TNFRSF10B: variants seen among roughly 807,000 people sequenced by gnomAD.
The protein encoded by TNFRSF10B is TNF receptor superfamily member 10b, also known as tumor necrosis factor receptor superfamily member 10B.
Under a neutral mutation model 41.4 loss-of-function variants are expected in TNFRSF10B, and 35 were observed. The observed-to-expected ratio is 0.85, with a 90% CI of 0.65 to 1.12. TNFRSF10B has a LOEUF of 1.12. Among genes scored for constraint, TNFRSF10B ranks in the 50% most tolerant of loss-of-function variants. The probability of loss-of-function intolerance (pLI) is 0.00; values close to 1 mark genes in which losing one functional copy is unlikely to be tolerated. For synonymous variants in TNFRSF10B, 230 were observed against 215.5 expected (o/e 1.07, Z -0.59); for missense variants, 584 against 552.7 (o/e 1.06, Z -0.57).
intron 1 of TNFRSF10B, among the ~76,000 whole-genome samples, chr8:23,056,274 C>T (rs1812663826): frequency 6.6e-6 from 1 of 152,178 alleles, no homozygotes; most frequent in Non-Finnish European, 1.5e-5. Flanking sequence ...TACCTTAATG[C>T]CCAACTTTGT....
At position 23,021,679 on chromosome 8, in the gene TNFRSF10B, C is replaced by A. The variant is rs1212960663; in HGVS notation, c.*992G>T. 2.2e-6 allele frequency: 1 copy of A among 453,974 alleles called. No individual in the cohort carries two copies. The highest frequency in any genetic ancestry group is 4.4e-6 in the Non-Finnish European group (1 of 226,810). 28.1% of individuals were successfully genotyped at this position (453,974 alleles called of 1,614,324 possible). A position where few individuals can be genotyped will look rare whatever the true frequency, so the allele number is the denominator to read the frequency against. ...CACGTGGATCCAGTTCTCTTTGGTC[C>A]CGACTCATATGTAAACAACTACCTA... On this transcript the variant is annotated 3_prime_UTR_variant, in exon 9 of 9. Coordinates refer to ENST00000276431, the MANE Select transcript of TNFRSF10B (RefSeq NM_003842.5).
intron 3 of TNFRSF10B, among the ~76,000 whole-genome samples, chr8:23,030,074 G>T (rs913211032): frequency 6.6e-6 from 1 of 151,436 alleles, no homozygotes; most frequent in Non-Finnish European, 1.5e-5. Context: ...CTTCCCCAAG[G>T]CCCAGCCTGC....
intron 1 of TNFRSF10B, chr8:23,049,892 G>C (rs1490571274): frequency 6.6e-6 from 1 of 152,222 alleles, no homozygotes; most frequent in Non-Finnish European, 1.5e-5. Flanking sequence ...GAACAAAAAA[G>C]TCGCCAGCCA....
chr8:23,024,305 T>C (rs1811636134), intron 7 of TNFRSF10B, 45 bp from the exon 8 acceptor site: 2 of 1,608,344 alleles, frequency 1.2e-6, no homozygotes, highest in African/African-American at 1.3e-5. Context: ...CCAGGAGTCC[T>C]ACAGTCCAGT....
chr8:23,058,230 G>T (rs1489640567), intron 1 of TNFRSF10B, among the ~76,000 whole-genome samples: 10 of 152,108 alleles, frequency 6.6e-5, no homozygotes, highest in Admixed American at 6.6e-4. Flanking sequence ...CTGGGTAATA[G>T]ACCAAGACTC....
At chr8:23,037,243 T>C (rs1812053808) in intron 2 of TNFRSF10B, among the ~76,000 whole-genome samples, 1 of 152,098 alleles carries the variant, frequency 6.6e-6, no homozygotes, top group Non-Finnish European at 1.5e-5. Flanking sequence ...GTGGCAGGGA[T>C]GGAGGTTATG....
At chr8:23,051,323 G>A (rs1201856271) in intron 1 of TNFRSF10B, among the ~76,000 whole-genome samples, 3 of 152,248 alleles carry the variant, frequency 2.0e-5, no homozygotes, top group South Asian at 2.1e-4. Flanking sequence ...TATTAGAAAT[G>A]TCTTAAGAGT....
chr8:23,060,067 T>C (rs1812789034), intron 1 of TNFRSF10B, among the ~76,000 whole-genome samples: 1 of 152,234 alleles, frequency 6.6e-6, no homozygotes. Context: ...ACTTAAAATA[T>C]TTTCTCTCAT....
chr8:23,026,835 G>A (rs185527597), intron 7 of TNFRSF10B, among the ~76,000 whole-genome samples: 2 of 152,330 alleles, frequency 1.3e-5, no homozygotes, highest in East Asian at 1.9e-4. Context: ...AGGAGCATAC[G>A]ATGGAGACTG....
At chr8:23,051,502 G>A (rs1463918121) in intron 1 of TNFRSF10B, among the ~76,000 whole-genome samples, 1 of 150,610 alleles carries the variant, frequency 6.6e-6, no homozygotes, top group African/African-American at 2.5e-5. Context: ...CATTAATATT[G>A]TTTTAATGAA....
chr8:23,051,175 G>A (rs1223697805), intron 1 of TNFRSF10B, among the ~76,000 whole-genome samples: 1 of 150,864 alleles, frequency 6.6e-6, no homozygotes, highest in Middle Eastern at 3.2e-3. Flanking sequence ...ATATACAAAA[G>A]AGGTCTAATT....
At position 23,020,402 on chromosome 8, in the gene TNFRSF10B, A is replaced by G; in HGVS notation, c.*2269T>C. The G allele has an allele frequency of 2.2e-6, 1 of 454,140 alleles. No individual in the cohort carries two copies. Among genetic ancestry groups the G allele is most frequent in the South Asian group, 1.6e-5 (1 of 64,482 alleles). The allele number at this position is 454,140 out of a possible 1,614,324, so 28.1% of individuals were successfully genotyped here. On this transcript the variant is annotated 3_prime_UTR_variant, in exon 9 of 9. Coordinates refer to ENST00000276431, the MANE Select transcript of TNFRSF10B (RefSeq NM_003842.5). ...TTCATGTCGTCAGGAAGCTTACTTT[A>G]AAAGAATAGCTTGGCCTGGCTGGTG...
In TNFRSF10B at chr8:23,020,366, C is replaced by T. The variant is rs988635825; in HGVS notation, c.*2305G>A. The T allele has an allele frequency of 8.8e-6, 4 of 453,916 alleles. No individual in the cohort carries two copies. The highest frequency in any genetic ancestry group is 2.4e-5 in the Admixed American group (1 of 42,540). The allele number at this position is 453,916 out of a possible 1,614,324, so 28.1% of individuals were successfully genotyped here. Reference sequence around the variant, plus strand: ...AGCCTAATGTAACTAAACAACAAAACCCCCAATTATTTCATGTCGTCAGGA... The same window carrying T: ...AGCCTAATGTAACTAAACAACAAAATCCCCAATTATTTCATGTCGTCAGGA... On this transcript the variant is annotated 3_prime_UTR_variant, in exon 9 of 9. Transcript: ENST00000276431.
chr8:23,051,924 T>C (rs1211005311), intron 1 of TNFRSF10B, among the ~76,000 whole-genome samples: 1 of 152,176 alleles, frequency 6.6e-6, no homozygotes, highest in African/African-American at 2.4e-5. Context: ...GAAAGGACTG[T>C]TATCACATTT....
chr8:23,022,669 A>T lies in TNFRSF10B; in HGVS notation c.*2T>A, dbSNP rs1224908811. 6.2e-7 allele frequency: 1 copy of T among 1,614,066 alleles called. No individual in the cohort carries two copies. The highest frequency in any genetic ancestry group is 8.5e-7 in the Non-Finnish European group (1 of 1,180,040). On this transcript the variant is annotated 3_prime_UTR_variant, in exon 9 of 9. Transcript: ENST00000276431. Reference sequence around the variant, plus strand: ...GGTCTGACTTCCTGAAGAGAATCACACTTAGGACATGGCAGAGTCTGCATT... The same window carrying T: ...GGTCTGACTTCCTGAAGAGAATCACTCTTAGGACATGGCAGAGTCTGCATT...
chr8:23,044,350 T>C (rs1463467060), intron 1 of TNFRSF10B, among the ~76,000 whole-genome samples: 1 of 152,222 alleles, frequency 6.6e-6, no homozygotes, highest in Non-Finnish European at 1.5e-5. Flanking sequence ...AAAACTTTTG[T>C]GCATCCAATG....
chr8:23,041,952 C>T (rs933649936), intron 2 of TNFRSF10B, among the ~76,000 whole-genome samples: 2 of 152,168 alleles, frequency 1.3e-5, no homozygotes, highest in African/African-American at 4.8e-5. Context: ...ACACTCAAGA[C>T]AGCGGCTTCA....
Position 23,020,358 on chromosome 8 carries a change from C to T in TNFRSF10B, c.*2313G>A. 2 of 454,056 alleles carry T rather than the reference C, an allele frequency of 4.4e-6. No homozygotes were observed. The highest frequency in any genetic ancestry group is 8.8e-6 in the Non-Finnish European group (2 of 226,774). The allele number at this position is 454,056 out of a possible 1,614,324, so 28.1% of individuals were successfully genotyped here. ...TATAGCAAAGCCTAATGTAACTAAACAACAAAACCCCCAATTATTTCATGT... is the reference window on the plus strand; with the variant it reads ...TATAGCAAAGCCTAATGTAACTAAATAACAAAACCCCCAATTATTTCATGT... On this transcript the variant is annotated 3_prime_UTR_variant, in exon 9 of 9. Transcript: ENST00000276431.
chr8:23,047,900 C>T (rs1350444899), intron 1 of TNFRSF10B, among the ~76,000 whole-genome samples: 2 of 152,240 alleles, frequency 1.3e-5, no homozygotes, highest in Non-Finnish European at 2.9e-5. Context: ...GAGATATCTG[C>T]ACTTCCATGT....
Sources: allele counts gnomAD v4.1 joint callset (sites outside exome capture counted in the v4.1 genomes callset), GRCh38; gene constraint gnomAD v4.1.1; transcripts MANE v1.5; gene names NCBI Gene and HGNC (gene_info 2026-07-23, HGNC 2026-07-21).